F10: variants seen among roughly 807,000 people sequenced by gnomAD.
The protein encoded by F10 is coagulation factor X, also known as Stuart-Prower factor.
Under a neutral mutation model 37.1 loss-of-function variants are expected in F10, and 29 were observed. The observed-to-expected ratio is 0.78, with a 90% CI of 0.58 to 1.07. The LOEUF (loss-of-function observed/expected upper bound fraction) is 1.07, where lower values mean the gene tolerates loss of function less well. Ranked by LOEUF, F10 falls within the 50% of genes least tolerant of loss-of-function variation. F10 has a pLI of 0.00. For synonymous variants in F10, 262 were observed against 268.6 expected (o/e 0.98, Z 0.24); for missense variants, 539 against 667.9 (o/e 0.81, Z 2.13).
chr13:113,139,375 C>T lies in F10; in HGVS notation c.275C>T (p.Thr92Ile), dbSNP rs1434688223. ...NKYKDGDQCE[T>I]SPCQNQGKCK... The stretch of plus-strand genomic sequence containing the variant: ...TTTGCAGATGGCGACCAGTGTGAGA[C>T]CAGTCCTTGCCAGAACCAGGGCAAA... Residue 92 changes from threonine to isoleucine, a missense_variant, in exon 4 of 8, where the codon ACC (threonine) becomes ATC (isoleucine). Around this residue, in one of 2 missense-constraint regions of F10, gnomAD observed 130 missense variants for 120.0 expected, o/e 1.08. Transcript: ENST00000375559. The surrounding 1 kb of genome is among the most constrained non-coding windows in gnomAD (Gnocchi z 5.2). 1 of 1,613,814 alleles carries T rather than the reference C, an allele frequency of 6.2e-7. No individual in the cohort carries two copies. Among genetic ancestry groups the T allele is most frequent in the Non-Finnish European group, 8.5e-7 (1 of 1,179,794 alleles).
Position 113,143,723 on chromosome 13 carries a change from C to CAAGTGTA in F10, c.503-128_503-127insAAGTGTA. 26 of 1,401,368 alleles carry CAAGTGTA rather than the reference C, an allele frequency of 1.9e-5. No homozygotes were observed. Among genetic ancestry groups the CAAGTGTA allele is most frequent in the East Asian group, 1.2e-4 (5 of 41,042 alleles). The allele number at this position is 1,401,368 out of a possible 1,614,324, so 86.8% of individuals were successfully genotyped here. A position where few individuals can be genotyped will look rare whatever the true frequency, so the allele number is the denominator to read the frequency against. On this transcript the variant is annotated intron_variant, in intron 5 of 7. Coordinates refer to ENST00000375559, the MANE Select transcript of F10 (RefSeq NM_000504.4). The surrounding 1 kb of genome is among the most constrained non-coding windows in gnomAD (Gnocchi z 6.8). ...GACGTGGGGCCTCGCCCTGCAAGCCCGCTGCCCCTCCGGGTGCCCCTGCGC... is the reference window on the plus strand; with the variant it reads ...GACGTGGGGCCTCGCCCTGCAAGCCCAAGTGTAGCTGCCCCTCCGGGTGCCCCTGCGC...
intron 2 of F10, among the ~76,000 whole-genome samples, chr13:113,136,246 C>T (rs1041608335): frequency 3.3e-5 from 5 of 152,178 alleles, no homozygotes; most frequent in East Asian, 1.9e-4. Flanking sequence ...GGTTAAGACA[C>T]GGAGAAAGCA....
chr13:113,130,161 G>A (rs2036417787), intron 2 of F10: 1 of 191,604 alleles, frequency 5.2e-6, no homozygotes. Context: ...CGCAGCAAAA[G>A]GACACGCACT....
chr13:113,141,125 TG>T lies in F10; in HGVS notation c.502+79del. On this transcript the variant is annotated intron_variant, in intron 5 of 7. Transcript: ENST00000375559. This position sits in a 1 kb window ranked among gnomAD's most constrained non-coding sequence, Gnocchi z 5.4. The stretch of plus-strand genomic sequence containing the variant: ...GGGAGGACAAGCCCGTGCCAGGGGG[TG>T]GGGACACAGGCATGTTCTGGGCGGG... 6.3e-7 allele frequency: 1 copy of T among 1,595,124 alleles called. No homozygotes were observed.
intron 1 of F10, among the ~76,000 whole-genome samples, chr13:113,125,983 T>G (rs1171150082): frequency 4.8e-5 from 7 of 146,838 alleles, no homozygotes. Context: ...CGGAGGGCGC[T>G]GGGCCTGAGC....
chr13:113,148,922 G>A lies in F10; in HGVS notation c.872G>A (p.Arg291Gln), dbSNP rs149212700. The A allele has an allele frequency of 3.1e-4, 498 of 1,613,362 alleles. 1 individual carries two copies. Among genetic ancestry groups the A allele is most frequent in the Middle Eastern group, 9.9e-4 (6 of 6,062 alleles). Residue 291 changes from arginine (R) to glutamine (Q), a missense_variant, in exon 8 of 8, where the codon CGG (arginine) becomes CAG (glutamine). Transcript: ENST00000375559. ...AKRFKVRVGD[R>Q]NTEQEEGGEA... ...TCCCACTCGTCTGTCCCAGGGGACC[G>A]GAACACGGAGCAGGAGGAGGGCGGT...
At chr13:113,148,330 C>CAAAAAA (rs780002275) in intron 7 of F10, among the ~76,000 whole-genome samples, 11 of 90,848 alleles carry the variant, frequency 1.2e-4, no homozygotes, top group African/African-American at 4.0e-4. Flanking sequence ...AACTCTGTCT[C>CAAAAAA]AAAAAAAAAA....
rs903693684 is a variant in F10 at position 113,141,270 on chromosome 13, T to A, written c.502+220T>A. 1.3e-5 allele frequency among the ~76,000 whole-genome samples: 2 copies of A among 152,210 alleles called. No individual in the cohort carries two copies. Among genetic ancestry groups the A allele is most frequent in the African/African-American group, 2.4e-5 (1 of 41,454 alleles). The stretch of plus-strand genomic sequence containing the variant: ...AGACCCATTATTTCTGTAAGCCAGA[T>A]CTGCTGTTTAACCTCAGCTTCCCCA... On this transcript the variant is annotated intron_variant, in intron 5 of 7. Coordinates refer to ENST00000375559, the MANE Select transcript of F10 (RefSeq NM_000504.4). The surrounding 1 kb of genome is among the most constrained non-coding windows in gnomAD (Gnocchi z 5.4).
chr13:113,144,247 T>TGTCC lies in F10; in HGVS notation c.747+153_747+156dup. 1 of 1,210,938 alleles carries TGTCC rather than the reference T, an allele frequency of 8.3e-7. No individual in the cohort carries two copies. The highest frequency in any genetic ancestry group is 1.2e-6 in the Non-Finnish European group (1 of 861,206). The allele number at this position is 1,210,938 out of a possible 1,614,324, so 75.0% of individuals were successfully genotyped here. A position where few individuals can be genotyped will look rare whatever the true frequency, so the allele number is the denominator to read the frequency against. On this transcript the variant is annotated intron_variant, in intron 6 of 7. Coordinates refer to ENST00000375559, the MANE Select transcript of F10 (RefSeq NM_000504.4). This position sits in a 1 kb window ranked among gnomAD's most constrained non-coding sequence, Gnocchi z 6.4. The stretch of plus-strand genomic sequence containing the variant: ...GCTCCGCCACCCAAGCCTGCCTGCC[T>TGTCC]GTCCCCTCCCTCCGGGCAGCCAAGG...
At position 113,146,677 on chromosome 13, in the gene F10, T is replaced by TC. The variant is rs2036585479; in HGVS notation, c.748-702_748-701insC. Among the ~76,000 whole-genome samples, 1 of 152,180 alleles carries TC rather than the reference T, an allele frequency of 6.6e-6. No homozygotes were observed. The highest frequency in any genetic ancestry group is 2.4e-5 in the African/African-American group (1 of 41,436). ...TTCTAGCCATGAATGTTTTAAGAAA[T>TC]GTTTTAAGACTCGGTATTGTCAGTA... On this transcript the variant is annotated intron_variant, in intron 6 of 7. Transcript: ENST00000375559. This position sits in a 1 kb window ranked among gnomAD's most constrained non-coding sequence, Gnocchi z 4.5.
At chr13:113,140,302 C>T (rs892473101) in intron 4 of F10, among the ~76,000 whole-genome samples, 2 of 151,682 alleles carry the variant, frequency 1.3e-5, no homozygotes, top group African/African-American at 2.4e-5. Flanking sequence ...AGGATGGTCT[C>T]GATCTCCTGA....
chr13:113,133,650 A>T (rs1326320453), intron 2 of F10, among the ~76,000 whole-genome samples: 5 of 152,206 alleles, frequency 3.3e-5, no homozygotes, highest in African/African-American at 9.6e-5. Flanking sequence ...AGAACATAGA[A>T]GAGGGAACAC....
At chr13:113,130,065 T>C in intron 2 of F10, 1 of 304,304 alleles carries the variant, frequency 3.3e-6, no homozygotes, top group Non-Finnish European at 6.4e-6. Flanking sequence ...GGCGCACAAC[T>C]GACGCCAGGC....
At chr13:113,140,076 T>A (rs1261539846) in intron 4 of F10, among the ~76,000 whole-genome samples, 2 of 142,890 alleles carry the variant, frequency 1.4e-5, no homozygotes, top group African/African-American at 5.3e-5. Context: ...TGATCATCTT[T>A]TTTTTTTTTT....
At chr13:113,132,044 C>G (rs756083037) in intron 2 of F10, 1 of 152,354 alleles carries the variant, frequency 6.6e-6, no homozygotes. Flanking sequence ...AACATTGACA[C>G]GTCTATCTAG....
rs1005807461 is a variant in F10, at chr13:113,144,861, C to G, written c.747+766C>G. Among the ~76,000 whole-genome samples the G allele has an allele frequency of 4.0e-5, 6 of 150,640 alleles. No homozygotes were observed. Among genetic ancestry groups the G allele is most frequent in the Non-Finnish European group, 5.9e-5 (4 of 67,876 alleles). On this transcript the variant is annotated intron_variant, in intron 6 of 7. Coordinates refer to ENST00000375559, the MANE Select transcript of F10 (RefSeq NM_000504.4). This position sits in a 1 kb window ranked among gnomAD's most constrained non-coding sequence, Gnocchi z 6.4. ...CCCAAGTAGCTGGAATTACGGGCGC[C>G]CGCTACTTACGCCTGGCTAATTTTT...
At chr13:113,145,699 A>AAG (rs1288229111) in intron 6 of F10, among the ~76,000 whole-genome samples, 6 of 152,224 alleles carry the variant, frequency 3.9e-5, no homozygotes, top group African/African-American at 7.2e-5. Context: ...TGGAAGGCGC[A>AAG]AGGCACGTCT....
At chr13:113,127,197 G>T (rs558630964) in intron 1 of F10, among the ~76,000 whole-genome samples, 36 of 152,312 alleles carry the variant, frequency 2.4e-4, no homozygotes, top group African/African-American at 8.2e-4. Context: ...ATTCCCTTCT[G>T]CCAATAATAA....
chr13:113,148,023 A>G (rs1483825636), intron 7 of F10, among the ~76,000 whole-genome samples: 1 of 152,180 alleles, frequency 6.6e-6, no homozygotes, highest in Non-Finnish European at 1.5e-5. Context: ...ATGTTCTATT[A>G]TACATTTTAA....
Sources: gnomAD v4.1 joint callset for allele counts (sites outside exome capture counted in the v4.1 genomes callset) on GRCh38, gnomAD v4.1.1 for gene constraint, gnomAD v4.1.1 regional missense constraint, Gnocchi (gnomAD v3.1) non-coding constraint, MANE v1.5 for transcripts, NCBI Gene and HGNC (gene_info 2026-07-23, HGNC 2026-07-21) for gene names.